The following PCNX2 variants were observed in gnomAD, a reference collection of about 807,000 sequenced individuals.
PCNX2 encodes the protein pecanex-like protein 2.
In PCNX2, 168 loss-of-function variants were observed where a neutral mutation model predicts 223.8. The ratio of observed to expected loss-of-function variants is 0.75; its 90% CI spans 0.66 to 0.85. The LOEUF (loss-of-function observed/expected upper bound fraction) is 0.85. PCNX2 is among the 40% of genes least tolerant of loss of function. The pLI, the probability that PCNX2 is intolerant of heterozygous loss-of-function variation, is 0.00. For missense variants in PCNX2, 2,507 were observed against 2,675.5 expected (o/e 0.94, Z 1.39); for synonymous variants, 1,006 against 1,052.6 (o/e 0.96, Z 0.86).
upstream of PCNX2, among the ~76,000 whole-genome samples, chr1:233,296,526 AT>A (rs1309857321): frequency 6.6e-6 from 1 of 152,206 alleles, no homozygotes; most frequent in African/African-American, 2.4e-5. Context: ...GCTATTATAT[AT>A]TTTATCATTT....
intron 4 of PCNX2, among the ~76,000 whole-genome samples, chr1:233,260,549 A>G (rs12118544): frequency 0.2 from 29,982 of 152,166 alleles, 3,010 homozygotes; most frequent in South Asian, 0.26. Context: ...AAAAATATGG[A>G]TAATCCTTTA....
At chr1:233,326,390 T>G in the PCNX2 span, among the ~76,000 whole-genome samples, 1 of 152,220 alleles carries the variant, frequency 6.6e-6, no homozygotes, top group Non-Finnish European at 1.5e-5. Context: ...TGTTATTTTT[T>G]GGGTTTTTAA....
chr1:233,207,043 A>T (rs959047918), intron 13 of PCNX2, among the ~76,000 whole-genome samples: 3 of 150,486 alleles, frequency 2.0e-5, no homozygotes, highest in Admixed American at 6.8e-5. Context: ...GAAGAAGAAG[A>T]AGTTACTCTG....
rs1678469216 is a variant in PCNX2, at chr1:233,161,368, A to G, written c.3274-5T>C. 6.2e-7 allele frequency: 1 copy of G among 1,613,372 alleles called. No homozygotes were observed. Among genetic ancestry groups the G allele is most frequent in the Non-Finnish European group, 8.5e-7 (1 of 1,179,532 alleles). On this transcript the variant is annotated splice_region_variant and splice_polypyrimidine_tract_variant and intron_variant, in intron 17 of 33. Coordinates refer to ENST00000258229, the MANE Select transcript of PCNX2 (RefSeq NM_014801.4). ...ATCCCATTTTAAGACATCCGTCTGG[A>G]AAGAGAAAACCAGCGGTAAAGGCGA...
chr1:233,047,639 A>G (rs551183796), intron 25 of PCNX2, among the ~76,000 whole-genome samples: 1 of 152,324 alleles, frequency 6.6e-6, no homozygotes, highest in African/African-American at 2.4e-5. Context: ...AAAGTGTTCA[A>G]TTCAACAAGA....
intron 15 of PCNX2, among the ~76,000 whole-genome samples, chr1:233,183,407 TG>T (rs1404570155): frequency 1.3e-5 from 2 of 152,204 alleles, no homozygotes; most frequent in Non-Finnish European, 1.5e-5. Context: ...CTACAAGGTT[TG>T]GGCTTTCATA....
intron 21 of PCNX2, among the ~76,000 whole-genome samples, chr1:233,105,791 A>C (rs2102967073): frequency 6.6e-6 from 1 of 152,332 alleles, no homozygotes; most frequent in East Asian, 1.9e-4. Flanking sequence ...ACTAGACAGA[A>C]AATATTATTT....
intron 28 of PCNX2, among the ~76,000 whole-genome samples, chr1:233,003,535 C>T (rs1049857778): frequency 3.3e-4 from 51 of 152,278 alleles, no homozygotes; most frequent in African/African-American, 1.9e-4. Context: ...GAAATACAGA[C>T]GCTTTTACAC....
chr1:233,048,586 A>C (rs1445645118), intron 25 of PCNX2, among the ~76,000 whole-genome samples: 1 of 152,254 alleles, frequency 6.6e-6, no homozygotes, highest in Non-Finnish European at 1.5e-5. Context: ...TAATGATGTA[A>C]CATCACACCT....
At chr1:232,996,207 C>T (rs1371199438) in intron 32 of PCNX2, among the ~76,000 whole-genome samples, 1 of 152,156 alleles carries the variant, frequency 6.6e-6, no homozygotes, top group Middle Eastern at 3.2e-3. Flanking sequence ...GTCTGAAGCA[C>T]TTCTGGAACC....
At chr1:233,193,416 T>A (rs982279416) in intron 15 of PCNX2, among the ~76,000 whole-genome samples, 1 of 152,178 alleles carries the variant, frequency 6.6e-6, no homozygotes, top group African/African-American at 2.4e-5. Flanking sequence ...ATGGGCATGG[T>A]GCTCCAGAAA....
intron 15 of PCNX2, among the ~76,000 whole-genome samples, chr1:233,179,538 A>G (rs1449548305): frequency 6.6e-6 from 1 of 152,228 alleles, no homozygotes; most frequent in East Asian, 1.9e-4. Flanking sequence ...ATGTTTATTA[A>G]TTGATGGTCT....
chr1:233,200,267 G>A lies in PCNX2; in HGVS notation c.2864-3C>T. The stretch of plus-strand genomic sequence containing the variant: ...AGCAGGGAAGCAATATAAAAATACT[G>A]AAAATGAACAAACAAAATTGACGAT... On this transcript the variant is annotated splice_polypyrimidine_tract_variant and splice_region_variant and intron_variant, in intron 13 of 33. Transcript: ENST00000258229. 1 of 1,549,456 alleles carries A rather than the reference G, an allele frequency of 6.5e-7. No individual in the cohort carries two copies. Among genetic ancestry groups the A allele is most frequent in the Admixed American group, 1.9e-5 (1 of 51,834 alleles).
chr1:233,057,369 A>C, intron 23 of PCNX2, 79 bp from the exon 24 acceptor site: 3 of 1,125,246 alleles, frequency 2.7e-6, no homozygotes, highest in Non-Finnish European at 4.0e-6. Context: ...AACCAGCTGC[A>C]TGAGTGGAAA....
intron 25 of PCNX2, chr1:233,031,840 T>C: frequency 4.1e-6 from 4 of 981,454 alleles, no homozygotes; most frequent in Middle Eastern, 5.3e-4. Flanking sequence ...TTCTCCAATA[T>C]ACAACTTTTC....
intron 23 of PCNX2, among the ~76,000 whole-genome samples, chr1:233,061,866 C>G (rs1247443545): frequency 6.6e-6 from 1 of 152,188 alleles, no homozygotes; most frequent in Admixed American, 6.5e-5. Context: ...TCAAGCGATT[C>G]CCCTGCCTCA....
At chr1:233,070,280 C>CAT (rs61484723) in intron 23 of PCNX2, among the ~76,000 whole-genome samples, 56,358 of 151,808 alleles carry the variant, frequency 0.37, 12,577 homozygotes, top group African/African-American at 0.63. Flanking sequence ...AATTCTACCA[C>CAT]GTTTAAAAAA....
intron 15 of PCNX2, among the ~76,000 whole-genome samples, chr1:233,186,906 C>G (rs1258781445): frequency 6.6e-6 from 1 of 152,198 alleles, no homozygotes; most frequent in African/African-American, 2.4e-5. Flanking sequence ...CACACACACA[C>G]ACAAATACGT....
At chr1:233,016,738 A>T (rs1670677691) in intron 27 of PCNX2, 183 bp downstream of exon 27, 1 of 967,970 alleles carries the variant, frequency 1.0e-6, no homozygotes, top group African/African-American at 1.8e-5. Flanking sequence ...CATTGGAGAC[A>T]TGGTATATTG....
Sources: gnomAD v4.1 joint callset for allele counts (sites outside exome capture counted in the v4.1 genomes callset) on GRCh38, gnomAD v4.1.1 for gene constraint, MANE v1.5 for transcripts, NCBI Gene and HGNC (gene_info 2026-07-23, HGNC 2026-07-21) for gene names.